Variants in CBX8 observed in about 807,000 individuals in gnomAD.
The protein encoded by CBX8 is chromobox 8.
CBX8 carries 8 observed loss-of-function variants against 39.7 expected under a neutral mutation model. That is an observed-to-expected ratio of 0.20 (90% CI 0.12 to 0.36). The LOEUF (loss-of-function observed/expected upper bound fraction) is 0.36, where lower values mean the gene tolerates loss of function less well. CBX8 is among the 10% of genes least tolerant of loss of function. The pLI is 1.00. For synonymous variants in CBX8, 268 were observed against 219.8 expected, an observed-to-expected ratio of 1.22 and a Z score of -1.94; for missense variants, 505 against 529.6, an observed-to-expected ratio of 0.95 and a Z score of 0.46.
chr17:79,796,157 A>C (rs1187384187), intron 3 of CBX8, 34 bp from the exon 4 acceptor site: 8 of 1,613,238 alleles, frequency 5.0e-6, no homozygotes, highest in Non-Finnish European at 5.9e-6. Context: ...AGGGTGCGTG[A>C]GTAAAGAAAG....
intron 1 of CBX8, 140 bp from the exon 2 acceptor site, chr17:79,796,680 G>A: frequency 2.1e-6 from 2 of 937,282 alleles, no homozygotes. Flanking sequence ...CATCACCCCT[G>A]CACCTAATGC....
Position 79,797,032 on chromosome 17 carries a change from A to T in CBX8, c.-34T>A, listed in dbSNP as rs748830533. On this transcript the variant is annotated 5_prime_UTR_variant, in exon 1 of 5. Coordinates refer to ENST00000269385, the MANE Select transcript of CBX8 (RefSeq NM_020649.3). Reference sequence around the variant, plus strand: ...GCCGCTTCCCCCCTTGGCCGCTTCCAGGAGCAGAAAAGCAGCAGCCAGCGC... The same window carrying T: ...GCCGCTTCCCCCCTTGGCCGCTTCCTGGAGCAGAAAAGCAGCAGCCAGCGC... The T allele has an allele frequency of 6.3e-7, 1 of 1,595,826 alleles. No individual in the cohort carries two copies. Among genetic ancestry groups the T allele is most frequent in the Non-Finnish European group, 8.5e-7 (1 of 1,171,530 alleles).
Position 79,794,646 on chromosome 17 carries a change from C to T in CBX8, c.1159G>A (p.Glu387Lys), listed in dbSNP as rs2145838145. Residue 387 changes from glutamate (E) to lysine (K), a missense_variant, in exon 5 of 5, where the codon GAG becomes AAG. Glu to Lys is a moderately conservative substitution (Grantham distance 56). This residue lies in a region of CBX8 where 17 missense variants were observed against 39.0 expected (regional missense o/e 0.44). Transcript: ENST00000269385. The part of the protein sequence containing the change: ...ESNTDQGFFK[E>K]KR ...CACCCACCCAGCATTCATCTTTTCT[C>T]TTTAAAAAAGCCTTGGTCCGTGTTA... 6.4e-7 allele frequency: 1 copy of T among 1,567,196 alleles called. No homozygotes were observed.
intron 1 of CBX8, 95 bp downstream of exon 1, chr17:79,796,834 TG>T: frequency 1.7e-6 from 2 of 1,169,216 alleles, no homozygotes; most frequent in Admixed American, 2.4e-5. Flanking sequence ...TGCTGGGACC[TG>T]GGGGAAGGGA....
At chr17:79,796,349 C>T (rs770951504) in intron 2 of CBX8, 34 bp from the exon 3 acceptor site, 2 of 1,611,490 alleles carry the variant, frequency 1.2e-6, no homozygotes, top group African/African-American at 1.3e-5. Flanking sequence ...GGCATCAGTC[C>T]CAGGAGCAGG....
chr17:79,794,448 CTAGAGA>C lies in CBX8; in HGVS notation c.*181_*186del, dbSNP rs905501828. ...TTTACATCTAATAGAAAATATAACTCTAGAGATAATCTTTCCAACAAAAACTGAGGG... is the reference window on the plus strand; with the variant it reads ...TTTACATCTAATAGAAAATATAACTCTAATCTTTCCAACAAAAACTGAGGG... On this transcript the variant is annotated 3_prime_UTR_variant, in exon 5 of 5. Transcript: ENST00000269385. The C allele has an allele frequency of 1.5e-4, 70 of 467,058 alleles. No individual in the cohort carries two copies. Among genetic ancestry groups the C allele is most frequent in the African/African-American group, 9.9e-4 (50 of 50,446 alleles). The allele number at this position is 467,058 out of a possible 1,614,324, so 28.9% of individuals were successfully genotyped here. A position where few individuals can be genotyped will look rare whatever the true frequency, so the allele number is the denominator to read the frequency against.
Position 79,796,262 on chromosome 17 carries a change from G to A in CBX8, c.167C>T (p.Ala56Val), listed in dbSNP as rs532612965. 1 of 1,614,166 alleles carries A rather than the reference G, an allele frequency of 6.2e-7. No homozygotes were observed. Among genetic ancestry groups the A allele is most frequent in the East Asian group, 2.2e-5 (1 of 44,884 alleles). The part of the protein sequence containing the change: ...ENILDARLLA[A>V]FEEREREMEL... ...GAAGGGTCTGTACCTTTCCTCAAAG[G>A]CTGCGAGCAAGCGAGCATCCAGGAT... is the stretch of plus-strand genomic sequence containing the variant. The change falls in exon 3 of 5, where the codon GCC (alanine) becomes GTC (valine). Residue 56 changes from alanine to valine, a missense_variant. This residue lies in a region of CBX8 where 32 missense variants were observed against 101.4 expected (regional missense o/e 0.32). Coordinates refer to ENST00000269385, the MANE Select transcript of CBX8 (RefSeq NM_020649.3).
Position 79,794,530 on chromosome 17 carries a change from C to T in CBX8, c.*105G>A, listed in dbSNP as rs1446008612. On this transcript the variant is annotated 3_prime_UTR_variant, in exon 5 of 5. Coordinates refer to ENST00000269385, the MANE Select transcript of CBX8 (RefSeq NM_020649.3). Reference sequence around the variant, plus strand: ...GGTGGGGTGGGGGTGACATCAGGGACGGGACCAGCCAAAAGGCCACATCCC... The same window carrying T: ...GGTGGGGTGGGGGTGACATCAGGGATGGGACCAGCCAAAAGGCCACATCCC... The T allele has an allele frequency of 6.0e-6, 5 of 833,294 alleles. No individual in the cohort carries two copies. The highest frequency in any genetic ancestry group is 1.7e-5 in the African/African-American group (1 of 58,464). The allele number at this position is 833,294 out of a possible 1,614,324, so 51.6% of individuals were successfully genotyped here. A position where few individuals can be genotyped will look rare whatever the true frequency, so the allele number is the denominator to read the frequency against.
rs1908052768 is a variant in CBX8, at chr17:79,795,532, A to T, written c.273T>A (p.Thr91=). Reference sequence around the variant, plus strand: ...TGGCTGAGTCACTTCGAAACTCGTAAGTTTTGGCCTTTGCCTTGGCCTGCG... The same window carrying T: ...TGGCTGAGTCACTTCGAAACTCGTATGTTTTGGCCTTTGCCTTGGCCTGCG... ...LKAQAKAKAK[T]YEFRSDSARG... Residue 91 remains threonine (T), a synonymous_variant, in exon 5 of 5, where the codon ACT becomes ACA. Coordinates refer to ENST00000269385, the MANE Select transcript of CBX8 (RefSeq NM_020649.3). This position sits in a 1 kb window ranked among gnomAD's most constrained non-coding sequence, Gnocchi z 5.8. The T allele has an allele frequency of 3.3e-6, 5 of 1,530,968 alleles. No individual in the cohort carries two copies. Among genetic ancestry groups the T allele is most frequent in the Non-Finnish European group, 4.4e-6 (5 of 1,140,774 alleles). 94.8% of individuals were successfully genotyped at this position (1,530,968 alleles called of 1,614,324 possible). A position where few individuals can be genotyped will look rare whatever the true frequency, so the allele number is the denominator to read the frequency against.
Position 79,794,465 on chromosome 17 carries a change from A to G in CBX8, c.*170T>C. On this transcript the variant is annotated 3_prime_UTR_variant, in exon 5 of 5. Transcript: ENST00000269385. ...ATATAACTCTAGAGATAATCTTTCC[A>G]ACAAAAACTGAGGGGGAGGAAGGAG... is the stretch of plus-strand genomic sequence containing the variant. The G allele has an allele frequency of 2.0e-6, 1 of 507,266 alleles. No individual in the cohort carries two copies. The highest frequency in any genetic ancestry group is 2.9e-5 in the Admixed American group (1 of 34,122). 31.4% of individuals were successfully genotyped at this position (507,266 alleles called of 1,614,324 possible).
chr17:79,795,605 C>A lies in CBX8; in HGVS notation c.247-47G>T. 1 of 1,413,814 alleles carries A rather than the reference C, an allele frequency of 7.1e-7. No homozygotes were observed. The highest frequency in any genetic ancestry group is 9.4e-7 in the Non-Finnish European group (1 of 1,068,184). 87.6% of individuals were successfully genotyped at this position (1,413,814 alleles called of 1,614,324 possible). A position where few individuals can be genotyped will look rare whatever the true frequency, so the allele number is the denominator to read the frequency against. ...CAAGAGTGGGGCAGGGCCCTGTCCA[C>A]CCCCACAGGACTCCTCCTCTATCCC... On this transcript the variant is annotated intron_variant, in intron 4 of 4. Coordinates refer to ENST00000269385, the MANE Select transcript of CBX8 (RefSeq NM_020649.3). This position sits in a 1 kb window ranked among gnomAD's most constrained non-coding sequence, Gnocchi z 5.8.
At position 79,795,362 on chromosome 17, in the gene CBX8, C is replaced by G. The variant is rs372864497; in HGVS notation, c.443G>C (p.Arg148Pro). The change falls in exon 5 of 5, where the codon CGG becomes CCG. Residue 148 changes from arginine to proline, a missense_variant. Physicochemically the swap from Arg to Pro is moderately radical, Grantham distance 103 (BLOSUM62 -2). Coordinates refer to ENST00000269385, the MANE Select transcript of CBX8 (RefSeq NM_020649.3). This position sits in a 1 kb window ranked among gnomAD's most constrained non-coding sequence, Gnocchi z 5.8. Reference sequence around the variant, plus strand: ...CCTATCCCGGTCTCGGTCCCGGTCCCGAGGGGCCTCTGCGCGGCAGGTGCT... The same window carrying G: ...CCTATCCCGGTCTCGGTCCCGGTCCGGAGGGGCCTCTGCGCGGCAGGTGCT... The part of the protein sequence containing the change: ...TSSTCRAEAP[R>P]DRDRDRDRDR... 2.4e-5 allele frequency: 38 copies of G among 1,594,142 alleles called. No individual in the cohort carries two copies. The highest frequency in any genetic ancestry group is 3.1e-5 in the Non-Finnish European group (36 of 1,170,848).
At chr17:79,796,474 A>G in intron 2 of CBX8, 23 bp downstream of exon 2, 1 of 1,614,096 alleles carries the variant, frequency 6.2e-7, no homozygotes, top group South Asian at 1.1e-5. Flanking sequence ...TCTGGGGTTG[A>G]GAATTGCATA....
Position 79,794,970 on chromosome 17 carries a change from T to G in CBX8, c.835A>C (p.Thr279Pro). The change falls in exon 5 of 5, where the codon ACC becomes CCC. Residue 279 changes from threonine to proline, a missense_variant. Thr to Pro is a conservative substitution (Grantham distance 38). Transcript: ENST00000269385. ...TGCTTTATCACCCTGGCCGGGAAGGTGTCCACAGCCAGTTTGCCCGTGGCC... is the reference window on the plus strand; with the variant it reads ...TGCTTTATCACCCTGGCCGGGAAGGGGTCCACAGCCAGTTTGCCCGTGGCC... The part of the protein sequence containing the change: ...AEATGKLAVD[T>P]FPARVIKHRA... The G allele has an allele frequency of 6.2e-7, 1 of 1,605,014 alleles. No individual in the cohort carries two copies. Among genetic ancestry groups the G allele is most frequent in the East Asian group, 2.2e-5 (1 of 44,446 alleles).
Position 79,792,394 on chromosome 17 carries a change from C to T in CBX8, c.*2241G>A, listed in dbSNP as rs1907909791. On this transcript the variant is annotated 3_prime_UTR_variant, in exon 5 of 5. Transcript: ENST00000269385. ...AGCGAGAGAAGGAGACACATACACA[C>T]ACGGCCACGGACAAACAGCAGGACG... 7.0e-6 allele frequency: 1 copy of T among 142,552 alleles called. No homozygotes were observed. The allele number at this position is 142,552 out of a possible 1,614,324, so 8.8% of individuals were successfully genotyped here.
chr17:79,795,210 G>GCTTCTTCGAGCTGTCCCC lies in CBX8; in HGVS notation c.577_594dup (p.Gly193_Lys198dup). On this transcript the variant is annotated inframe_insertion, in exon 5 of 5. Transcript: ENST00000269385. This position sits in a 1 kb window ranked among gnomAD's most constrained non-coding sequence, Gnocchi z 5.8. ...AGCTCCTTCCGGGGCTTGGGGCCTC[G>GCTTCTTCGAGCTGTCCCC]CTTCTTCGAGCTGTCCCCCGGTGAG... The GCTTCTTCGAGCTGTCCCC allele has an allele frequency of 6.2e-7, 1 of 1,613,098 alleles. No individual in the cohort carries two copies. Among genetic ancestry groups the GCTTCTTCGAGCTGTCCCC allele is most frequent in the Non-Finnish European group, 8.5e-7 (1 of 1,179,712 alleles).
rs771892086 is a variant in CBX8, at chr17:79,796,246, G to T, written c.179+4C>A. ...GAGCGGCTGGGACTTGGAAGGGTCT[G>T]TACCTTTCCTCAAAGGCTGCGAGCA... is the stretch of plus-strand genomic sequence containing the variant. On this transcript the variant is annotated splice_donor_region_variant and intron_variant, in intron 3 of 4. Coordinates refer to ENST00000269385, the MANE Select transcript of CBX8 (RefSeq NM_020649.3). The T allele has an allele frequency of 3.1e-6, 5 of 1,614,072 alleles. No individual in the cohort carries two copies. The highest frequency in any genetic ancestry group is 1.7e-5 in the Admixed American group (1 of 60,004).
chr17:79,795,744 G>A lies in CBX8; in HGVS notation c.247-186C>T, dbSNP rs908011076. Reference sequence around the variant, plus strand: ...AATGGGTGGGATGGCTGTTGGAGCTGAGAGGTAGAAGGATGAGAGAAGAGG... The same window carrying A: ...AATGGGTGGGATGGCTGTTGGAGCTAAGAGGTAGAAGGATGAGAGAAGAGG... On this transcript the variant is annotated intron_variant, in intron 4 of 4. Transcript: ENST00000269385. The surrounding 1 kb of genome is among the most constrained non-coding windows in gnomAD (Gnocchi z 5.8). 2.0e-5 allele frequency among the ~76,000 whole-genome samples: 3 copies of A among 152,198 alleles called. No homozygotes were observed. Among genetic ancestry groups the A allele is most frequent in the Non-Finnish European group, 2.9e-5 (2 of 68,034 alleles).
chr17:79,795,683 G>C lies in CBX8; in HGVS notation c.247-125C>G. On this transcript the variant is annotated intron_variant, in intron 4 of 4. Transcript: ENST00000269385. This position sits in a 1 kb window ranked among gnomAD's most constrained non-coding sequence, Gnocchi z 5.8. ...CTGGGAATTTCTACATGGATGCATGGATGGGTGGGTGGGTGGGTGGGTGGA... is the reference window on the plus strand; with the variant it reads ...CTGGGAATTTCTACATGGATGCATGCATGGGTGGGTGGGTGGGTGGGTGGA... The C allele has an allele frequency of 3.1e-6, 1 of 317,738 alleles. No individual in the cohort carries two copies. The highest frequency in any genetic ancestry group is 2.7e-5 in the South Asian group (1 of 37,392). 19.7% of individuals were successfully genotyped at this position (317,738 alleles called of 1,614,324 possible). A position where few individuals can be genotyped will look rare whatever the true frequency, so the allele number is the denominator to read the frequency against.
Sources: gnomAD v4.1 joint callset for allele counts (sites outside exome capture counted in the v4.1 genomes callset) on GRCh38, gnomAD v4.1.1 for gene constraint, gnomAD v4.1.1 regional missense constraint, Gnocchi (gnomAD v3.1) non-coding constraint, MANE v1.5 for transcripts, NCBI Gene and HGNC (gene_info 2026-07-23, HGNC 2026-07-21) for gene names.